The following AGBL1 variants were observed in gnomAD, a reference collection of about 807,000 sequenced individuals.
The protein encoded by AGBL1 is cytosolic carboxypeptidase 4.
Under a neutral mutation model 118.9 loss-of-function variants are expected in AGBL1, and 130 were observed. The ratio of observed to expected loss-of-function variants is 1.09; its 90% CI spans 0.95 to 1.26. The LOEUF is 1.26. Among genes scored for constraint, AGBL1 ranks in the 50% most tolerant of loss-of-function variants. The pLI is 0.00. For synonymous variants in AGBL1, 555 were observed against 478.9 expected (o/e 1.16, Z -2.08); for missense variants, 1,584 against 1,298.1 (o/e 1.22, Z -3.38).
chr15:86,463,618 A>G (rs1267499057), intron 18 of AGBL1, among the ~76,000 whole-genome samples: 1 of 152,126 alleles, frequency 6.6e-6, no homozygotes, highest in Non-Finnish European at 1.5e-5. Context: ...ATTTTTGTAT[A>G]AGTTGTAAGG....
intron 22 of AGBL1, among the ~76,000 whole-genome samples, chr15:86,706,218 G>T (rs117950314): frequency 6.6e-6 from 1 of 151,828 alleles, no homozygotes; most frequent in East Asian, 1.9e-4. Flanking sequence ...ATAAAATATC[G>T]TTTTTAACCT....
chr15:86,286,713 A>C (rs185432705), intron 16 of AGBL1, among the ~76,000 whole-genome samples: 3,255 of 140,562 alleles, frequency 0.023, 51 homozygotes, highest in Middle Eastern at 0.048. Context: ...GTGTATATAT[A>C]TGTGTGTGTG....
chr15:86,709,395 C>A (rs1235373977), intron 22 of AGBL1, among the ~76,000 whole-genome samples: 1 of 152,084 alleles, frequency 6.6e-6, no homozygotes, highest in African/African-American at 2.4e-5. Context: ...TGAATGCATG[C>A]TCAAGTATCT....
At chr15:86,445,909 G>T (rs1233398751) in intron 18 of AGBL1, among the ~76,000 whole-genome samples, 1 of 152,208 alleles carries the variant, frequency 6.6e-6, no homozygotes, top group African/African-American at 2.4e-5. Flanking sequence ...CTGTTAGCAG[G>T]ATTGGGGCTG....
chr15:86,868,066 G>T (rs1242237663), intron 22 of AGBL1, among the ~76,000 whole-genome samples: 1 of 152,146 alleles, frequency 6.6e-6, no homozygotes, highest in Non-Finnish European at 1.5e-5. Flanking sequence ...TCAAAATAAG[G>T]AATTATCAAT....
At chr15:87,011,075 A>G (rs146378431) in intron 24 of AGBL1, among the ~76,000 whole-genome samples, 1 of 152,352 alleles carries the variant, frequency 6.6e-6, no homozygotes, top group East Asian at 1.9e-4. Context: ...GAGTGAGACC[A>G]TGTCAGCAGT....
intron 22 of AGBL1, among the ~76,000 whole-genome samples, chr15:86,823,889 C>T (rs1266428872): frequency 1.3e-5 from 2 of 151,992 alleles, no homozygotes; most frequent in Non-Finnish European, 2.9e-5. Flanking sequence ...TCATTAAAAC[C>T]TTTCATCTCA....
At chr15:86,722,814 A>G (rs528249509) in intron 22 of AGBL1, among the ~76,000 whole-genome samples, 1 of 151,908 alleles carries the variant, frequency 6.6e-6, no homozygotes, top group Non-Finnish European at 1.5e-5. Context: ...TTTACAAGAA[A>G]CAAACAACCC....
intron 5 of AGBL1, among the ~76,000 whole-genome samples, chr15:86,221,601 G>A (rs79925423): frequency 0.013 from 1,938 of 152,278 alleles, 28 homozygotes; most frequent in East Asian, 0.071. Flanking sequence ...AGAGCCTCTT[G>A]GTGACATGCA....
intron 17 of AGBL1, among the ~76,000 whole-genome samples, chr15:86,354,536 C>T (rs2080682208): frequency 6.6e-6 from 1 of 152,146 alleles, no homozygotes; most frequent in African/African-American, 2.4e-5. Context: ...AGCGGATTTA[C>T]AAACATGTAA....
At chr15:86,476,870 T>C (rs1236344931) in intron 18 of AGBL1, among the ~76,000 whole-genome samples, 4 of 152,182 alleles carry the variant, frequency 2.6e-5, no homozygotes, top group Non-Finnish European at 5.9e-5. Context: ...ACAGAAATTA[T>C]AACAAAGTGT....
At chr15:86,987,932 G>T in intron 23 of AGBL1, 1 of 1,569,160 alleles carries the variant, frequency 6.4e-7, no homozygotes, top group South Asian at 1.2e-5. Context: ...AATAATATGT[G>T]ACACTATGGT....
chr15:86,835,949 C>A (rs924584195), intron 22 of AGBL1, among the ~76,000 whole-genome samples: 1 of 152,184 alleles, frequency 6.6e-6, no homozygotes, highest in South Asian at 2.1e-4. Flanking sequence ...ATCACACACA[C>A]AAAGTGAAGG....
At chr15:86,558,338 T>C (rs2142279624) in intron 21 of AGBL1, among the ~76,000 whole-genome samples, 1 of 152,270 alleles carries the variant, frequency 6.6e-6, no homozygotes, top group African/African-American at 2.4e-5. Context: ...ACCTGCAGCC[T>C]ACATCCAATA....
At chr15:86,222,110 G>A (rs1017067658) in intron 5 of AGBL1, among the ~76,000 whole-genome samples, 2 of 152,066 alleles carry the variant, frequency 1.3e-5, no homozygotes, top group Admixed American at 6.6e-5. Flanking sequence ...TCTTCCTGGG[G>A]CAGCCCTCTA....
intron 22 of AGBL1, among the ~76,000 whole-genome samples, chr15:86,822,657 A>G (rs968180292): frequency 6.6e-6 from 1 of 152,246 alleles, no homozygotes; most frequent in East Asian, 1.9e-4. Context: ...TGAGAAGCCA[A>G]AGAAAGAGGC....
intron 17 of AGBL1, among the ~76,000 whole-genome samples, chr15:86,304,257 T>C (rs1011644112): frequency 2.0e-5 from 3 of 152,186 alleles, no homozygotes; most frequent in Admixed American, 6.5e-5. Flanking sequence ...TTTCTACTTA[T>C]TGAACACAGC....
chr15:86,111,806 C>CA (rs1356075627), intron 1 of AGBL1, among the ~76,000 whole-genome samples: 4 of 152,198 alleles, frequency 2.6e-5, no homozygotes, highest in African/African-American at 9.6e-5. Context: ...AACCAGGCCA[C>CA]ACAGCAGGAG....
chr15:86,860,951 A>AG (rs891113138), intron 22 of AGBL1, among the ~76,000 whole-genome samples: 30 of 152,070 alleles, frequency 2.0e-4, no homozygotes, highest in African/African-American at 7.0e-4. Context: ...CAGCCCAGGC[A>AG]GGGGGCAGCA....
Sources: allele counts gnomAD v4.1 joint callset (sites outside exome capture counted in the v4.1 genomes callset), GRCh38; gene constraint gnomAD v4.1.1; transcripts MANE v1.5; gene names NCBI Gene and HGNC (gene_info 2026-07-23, HGNC 2026-07-21).